The following CCDC178 variants were observed in gnomAD, a reference collection of about 807,000 sequenced individuals.
The protein encoded by CCDC178 is coiled-coil domain containing 178.
A neutral mutation model predicts 117.4 loss-of-function variants in CCDC178; 126 were observed. The ratio of observed to expected loss-of-function variants is 1.07; its 90% CI spans 0.93 to 1.24. CCDC178 has a LOEUF of 1.24. Among genes scored for constraint, CCDC178 ranks in the 50% most tolerant of loss-of-function variants. The pLI is 0.00. For missense variants in CCDC178, 1,030 were observed against 986.9 expected, an observed-to-expected ratio of 1.04 and a Z score of -0.59; for synonymous variants, 283 against 313.4, an observed-to-expected ratio of 0.90 and a Z score of 1.02.
Position 33,323,504 on chromosome 18 carries a change from T to C in CCDC178, c.1009A>G (p.Ile337Val). 1.3e-6 allele frequency: 2 copies of C among 1,523,758 alleles called. No homozygotes were observed. The highest frequency in any genetic ancestry group is 1.4e-5 in the South Asian group (1 of 73,158). The allele number at this position is 1,523,758 out of a possible 1,614,324, so 94.4% of individuals were successfully genotyped here. A position where few individuals can be genotyped will look rare whatever the true frequency, so the allele number is the denominator to read the frequency against. Reference sequence around the variant, plus strand: ...AAAAATTCTTACTTGTAGGCCTCTATGGTTTTTTCATCCTGGTAAATATCC... The same window carrying C: ...AAAAATTCTTACTTGTAGGCCTCTACGGTTTTTTCATCCTGGTAAATATCC... The part of the protein sequence containing the change: ...DKDIYQDEKT[I>V]EAYKREIYQL... Residue 337 changes from isoleucine to valine, a missense_variant, in exon 11 of 23, where the codon ATA (isoleucine) becomes GTA (valine). Coordinates refer to ENST00000383096, the MANE Select transcript of CCDC178 (RefSeq NM_001105528.4).
chr18:33,090,999 ATCGAATGTATTTGT>A (rs1462622108), intron 21 of CCDC178, among the ~76,000 whole-genome samples: 2 of 152,152 alleles, frequency 1.3e-5, no homozygotes, highest in African/African-American at 4.8e-5. Flanking sequence ...TTATGCATGT[ATCGAATGTATTTGT>A]CATTTGCCAC....
intron 20 of CCDC178, among the ~76,000 whole-genome samples, chr18:33,164,233 G>A (rs1239519666): frequency 1.3e-5 from 2 of 151,478 alleles, no homozygotes; most frequent in African/African-American, 4.9e-5. Context: ...TCAGCCAGCT[G>A]GGATTACAGG....
At chr18:33,356,444 C>T in intron 6 of CCDC178, 98 bp from the exon 7 acceptor site, 1 of 1,154,288 alleles carries the variant, frequency 8.7e-7, no homozygotes, top group Non-Finnish European at 1.2e-6. Flanking sequence ...CTTTACATAT[C>T]TCTACTTCAT....
chr18:32,997,250 T>C (rs2055532803), intron 21 of CCDC178, among the ~76,000 whole-genome samples: 1 of 152,218 alleles, frequency 6.6e-6, no homozygotes, highest in South Asian at 2.1e-4. Flanking sequence ...CCCAAATATT[T>C]AGTTAAAAGG....
intron 11 of CCDC178, among the ~76,000 whole-genome samples, chr18:33,318,419 A>G (rs1376612269): frequency 6.6e-6 from 1 of 152,250 alleles, no homozygotes; most frequent in Non-Finnish European, 1.5e-5. Flanking sequence ...GTGCAGTCAT[A>G]TGGTCTTCAT....
At chr18:33,366,048 G>A (rs7238593) in intron 6 of CCDC178, among the ~76,000 whole-genome samples, 8 of 152,006 alleles carry the variant, frequency 5.3e-5, no homozygotes, top group Admixed American at 2.6e-4. Context: ...AACCACAGGC[G>A]TCCAGAGTGT....
At chr18:32,939,825 C>T (rs1030764661) in intron 22 of CCDC178, among the ~76,000 whole-genome samples, 28 of 152,068 alleles carry the variant, frequency 1.8e-4, no homozygotes, top group Middle Eastern at 3.4e-3. Context: ...CTTTCATATC[C>T]GAAATGTTTG....
intron 20 of CCDC178, among the ~76,000 whole-genome samples, chr18:33,124,566 A>C (rs1334021382): frequency 6.6e-6 from 1 of 152,136 alleles, no homozygotes; most frequent in African/African-American, 2.4e-5. Context: ...ACTTTAGTTT[A>C]ATTACTTTCT....
intron 8 of CCDC178, among the ~76,000 whole-genome samples, chr18:33,348,559 A>T (rs913712108): frequency 7.2e-5 from 11 of 151,928 alleles, no homozygotes; most frequent in African/African-American, 2.4e-4. Context: ...CGTGGCTAGT[A>T]GCTATTCTAC....
At chr18:33,223,286 C>T (rs1027192557) in intron 17 of CCDC178, 67 bp from the exon 18 acceptor site, 192 of 1,436,480 alleles carry the variant, frequency 1.3e-4, no homozygotes, top group Non-Finnish European at 1.7e-4. Context: ...TAGGCCAAAT[C>T]GTACTTAAGT....
At chr18:33,425,294 C>G (rs2064105786) in intron 2 of CCDC178, among the ~76,000 whole-genome samples, 1 of 151,978 alleles carries the variant, frequency 6.6e-6, no homozygotes, top group African/African-American at 2.4e-5. Context: ...AATTTAAAAA[C>G]AAAAATTTTA....
chr18:33,273,180 T>A (rs1438844549), intron 12 of CCDC178, among the ~76,000 whole-genome samples: 1 of 151,598 alleles, frequency 6.6e-6, no homozygotes, highest in Non-Finnish European at 1.5e-5. Flanking sequence ...TAGAGCCTAA[T>A]GAACAATTTT....
At chr18:33,288,045 C>T (rs2060120670) in intron 12 of CCDC178, among the ~76,000 whole-genome samples, 2 of 152,210 alleles carry the variant, frequency 1.3e-5, no homozygotes, top group South Asian at 4.1e-4. Context: ...TTATGCTATA[C>T]TTCCCTGGGG....
intron 21 of CCDC178, among the ~76,000 whole-genome samples, chr18:33,067,941 GA>G (rs1360362626): frequency 1.3e-5 from 2 of 151,556 alleles, no homozygotes; most frequent in Non-Finnish European, 2.9e-5. Flanking sequence ...TAGAGACAAA[GA>G]AAAAAAGAGT....
At chr18:32,958,264 G>T in intron 22 of CCDC178, 1 of 469,366 alleles carries the variant, frequency 2.1e-6, no homozygotes, top group South Asian at 2.8e-5. Flanking sequence ...TAAAATTATT[G>T]AGTTTGTGGC....
chr18:33,312,481 C>A (rs1373748525), intron 11 of CCDC178, among the ~76,000 whole-genome samples: 1 of 152,162 alleles, frequency 6.6e-6, no homozygotes, highest in Non-Finnish European at 1.5e-5. Flanking sequence ...AGCAGTATCC[C>A]TACCCAACAT....
intron 20 of CCDC178, among the ~76,000 whole-genome samples, chr18:33,128,527 C>A (rs1032969584): frequency 6.6e-6 from 1 of 152,152 alleles, no homozygotes; most frequent in Non-Finnish European, 1.5e-5. Context: ...TTCGTGAGGT[C>A]TGACTAGAAC....
At chr18:33,392,261 A>T (rs900037121) in intron 4 of CCDC178, among the ~76,000 whole-genome samples, 1 of 152,178 alleles carries the variant, frequency 6.6e-6, no homozygotes. Flanking sequence ...CTAGAGGCAA[A>T]TGTCCTATTT....
Position 32,975,498 on chromosome 18 carries a change from C to A in CCDC178, c.2389-817G>T, listed in dbSNP as rs563514954. 2.6e-5 allele frequency among the ~76,000 whole-genome samples: 4 copies of A among 152,110 alleles called. No homozygotes were observed. In the East Asian group the frequency reaches 7.7e-4, roughly 29 times the overall value. ...TGCCCTTCACCAGTTACCGTAGGCA[C>A]GCCATACAGAATTATTATAATAAGG... On this transcript the variant is annotated intron_variant, in intron 21 of 22. Coordinates refer to ENST00000383096, the MANE Select transcript of CCDC178 (RefSeq NM_001105528.4).
Sources: allele counts gnomAD v4.1 joint callset (sites outside exome capture counted in the v4.1 genomes callset), GRCh38; gene constraint gnomAD v4.1.1; transcripts MANE v1.5; gene names NCBI Gene and HGNC (gene_info 2026-07-23, HGNC 2026-07-21).